The following ELMO1 variants were observed in gnomAD, a reference collection of about 807,000 sequenced individuals.
ELMO1 encodes the protein engulfment and cell motility 1, also known as engulfment and cell motility protein 1.
Under a neutral mutation model 98.9 loss-of-function variants are expected in ELMO1, and 26 were observed. That is an observed-to-expected ratio of 0.26 (90% CI 0.19 to 0.36). The LOEUF (loss-of-function observed/expected upper bound fraction) is 0.36. Ranked by LOEUF, ELMO1 falls within the 10% of genes least tolerant of loss-of-function variation. ELMO1 has a pLI of 1.00. For synonymous variants in ELMO1, 346 were observed against 346.0 expected (o/e 1.00, Z 0.00); for missense variants, 627 against 935.2 (o/e 0.67, Z 4.30).
intron 15 of ELMO1, among the ~76,000 whole-genome samples, chr7:37,050,373 T>C (rs957658511): frequency 1.3e-5 from 2 of 152,134 alleles, no homozygotes; most frequent in Non-Finnish European, 2.9e-5. Context: ...GTGCTGGGAT[T>C]ATAGGCGTGA....
intron 8 of ELMO1, among the ~76,000 whole-genome samples, chr7:37,230,969 C>T (rs564740018): frequency 2.6e-4 from 39 of 152,154 alleles, no homozygotes; most frequent in Non-Finnish European, 5.0e-4. Context: ...TTGGTGCAAA[C>T]GTAATTGCGG....
At chr7:37,072,773 G>A (rs1488593130) in intron 15 of ELMO1, among the ~76,000 whole-genome samples, 7 of 152,106 alleles carry the variant, frequency 4.6e-5, no homozygotes, top group Non-Finnish European at 7.4e-5. Flanking sequence ...AACATAAGGC[G>A]AGTACCACTC....
intron 15 of ELMO1, among the ~76,000 whole-genome samples, chr7:37,068,738 A>C (rs1163362223): frequency 6.6e-6 from 1 of 152,122 alleles, no homozygotes; most frequent in East Asian, 1.9e-4. Flanking sequence ...AAAAGGGGAG[A>C]TAGTGGTGCT....
intron 13 of ELMO1, among the ~76,000 whole-genome samples, chr7:37,205,328 G>A (rs576789269): frequency 1.1e-4 from 16 of 152,254 alleles, no homozygotes; most frequent in African/African-American, 3.6e-4. Flanking sequence ...TGACCATAAC[G>A]CTTTTGCCAA....
chr7:37,214,823 C>G (rs1004730253), intron 11 of ELMO1, among the ~76,000 whole-genome samples: 1 of 152,158 alleles, frequency 6.6e-6, no homozygotes, highest in African/African-American at 2.4e-5. Flanking sequence ...CAGGAGAGTA[C>G]CAACCTCGAA....
intron 14 of ELMO1, among the ~76,000 whole-genome samples, chr7:37,105,761 T>C (rs1435517169): frequency 6.6e-6 from 1 of 152,184 alleles, no homozygotes; most frequent in Non-Finnish European, 1.5e-5. Flanking sequence ...AAGAAATAAA[T>C]CTGATTGGTT....
At chr7:37,057,877 CATA>C (rs571335506) in intron 15 of ELMO1, among the ~76,000 whole-genome samples, 76 of 152,306 alleles carry the variant, frequency 5.0e-4, no homozygotes, top group African/African-American at 1.7e-3. Context: ...TGTGTATTGC[CATA>C]ATATTACCAA....
chr7:36,925,794 C>G (rs1785521265), intron 16 of ELMO1, among the ~76,000 whole-genome samples: 1 of 152,182 alleles, frequency 6.6e-6, no homozygotes, highest in South Asian at 2.1e-4. Flanking sequence ...TCGTAATTTT[C>G]TTCCAACAAA....
chr7:37,089,067 G>A (rs1423634109), intron 15 of ELMO1, among the ~76,000 whole-genome samples: 4 of 152,180 alleles, frequency 2.6e-5, no homozygotes, highest in African/African-American at 9.7e-5. Context: ...TAGCCAGAAT[G>A]TATTCCCCAA....
intron 16 of ELMO1, among the ~76,000 whole-genome samples, chr7:36,972,349 C>A (rs1358402849): frequency 1.3e-5 from 2 of 152,314 alleles, no homozygotes; most frequent in African/African-American, 4.8e-5. Flanking sequence ...AGTCCCTGGG[C>A]TTTGGAAAGT....
At chr7:36,874,848 T>A (rs879400705) in intron 19 of ELMO1, among the ~76,000 whole-genome samples, 3 of 152,112 alleles carry the variant, frequency 2.0e-5, no homozygotes, top group Non-Finnish European at 2.9e-5. Flanking sequence ...TGTAAGAAGA[T>A]GTCGATTTTC....
chr7:36,947,095 T>C (rs143168253), intron 16 of ELMO1, among the ~76,000 whole-genome samples: 76 of 152,308 alleles, frequency 5.0e-4, no homozygotes, highest in African/African-American at 1.5e-3. Flanking sequence ...CAGTACCCAA[T>C]AGGTAGTTTT....
chr7:37,253,216 C>G (rs1439285905), intron 6 of ELMO1, among the ~76,000 whole-genome samples: 1 of 152,150 alleles, frequency 6.6e-6, no homozygotes, highest in Non-Finnish European at 1.5e-5. Context: ...ACCCAGCAAT[C>G]CCATTACTGG....
intron 16 of ELMO1, among the ~76,000 whole-genome samples, chr7:36,977,273 T>G (rs1437037355): frequency 6.6e-6 from 1 of 152,144 alleles, no homozygotes; most frequent in African/African-American, 2.4e-5. Flanking sequence ...TTAAAAAGGT[T>G]TAAGAAATCC....
At chr7:36,978,655 C>T (rs952238610) in intron 16 of ELMO1, among the ~76,000 whole-genome samples, 2 of 152,174 alleles carry the variant, frequency 1.3e-5, no homozygotes, top group Non-Finnish European at 2.9e-5. Flanking sequence ...ATGTAAAAGC[C>T]ACCGATTATT....
At chr7:37,358,568 T>TTATC (rs1227687935) in intron 1 of ELMO1, among the ~76,000 whole-genome samples, 1 of 152,174 alleles carries the variant, frequency 6.6e-6, no homozygotes, top group Admixed American at 6.5e-5. Context: ...TGGGGCCTAG[T>TTATC]TATCTGAGGT....
intron 1 of ELMO1, among the ~76,000 whole-genome samples, chr7:37,440,239 C>T (rs148432826): frequency 0.012 from 1,790 of 151,990 alleles, 36 homozygotes; most frequent in African/African-American, 0.041. Context: ...GTCAGGAGTT[C>T]GAGACCAGCC....
chr7:37,054,214 G>A (rs1457080102), intron 15 of ELMO1, among the ~76,000 whole-genome samples: 4 of 152,108 alleles, frequency 2.6e-5, no homozygotes, highest in Admixed American at 6.5e-5. Flanking sequence ...TACCTAAAAT[G>A]GCTCCCAGTA....
chr7:37,440,869 C>T (rs972773082), intron 1 of ELMO1, among the ~76,000 whole-genome samples: 1 of 151,876 alleles, frequency 6.6e-6, no homozygotes, highest in Non-Finnish European at 1.5e-5. Context: ...TTGGAATTCA[C>T]TCCTCACTTG....
Sources: allele counts gnomAD v4.1 joint callset (sites outside exome capture counted in the v4.1 genomes callset), GRCh38; gene constraint gnomAD v4.1.1; transcripts MANE v1.5; gene names NCBI Gene and HGNC (gene_info 2026-07-23, HGNC 2026-07-21).